Variants in DOCK10 observed in about 807,000 individuals in gnomAD.
DOCK10 encodes the protein dedicator of cytokinesis 10, also known as dedicator of cytokinesis protein 10.
A neutral mutation model predicts 280.1 loss-of-function variants in DOCK10; 145 were observed. The ratio of observed to expected loss-of-function variants is 0.52; its 90% CI spans 0.45 to 0.59. The LOEUF (loss-of-function observed/expected upper bound fraction) is 0.59. Among genes scored for constraint, DOCK10 ranks in the 20% least tolerant of loss-of-function variants. The pLI is 0.00. For missense variants in DOCK10, 2,368 were observed against 2,651.7 expected, an observed-to-expected ratio of 0.89 and a Z score of 2.35; for synonymous variants, 915 against 942.2, an observed-to-expected ratio of 0.97 and a Z score of 0.53.
At chr2:224,995,089 C>T (rs1706233667) in intron 1 of DOCK10, among the ~76,000 whole-genome samples, 1 of 152,180 alleles carries the variant, frequency 6.6e-6, no homozygotes, top group South Asian at 2.1e-4. Context: ...GTGGGTTTCT[C>T]CACAGGGTTG....
chr2:224,985,577 C>G (rs1705951177), intron 1 of DOCK10, among the ~76,000 whole-genome samples: 1 of 143,698 alleles, frequency 7.0e-6, no homozygotes, highest in South Asian at 2.2e-4. Flanking sequence ...GGGAGAAAGA[C>G]ATGTAGGAAG....
In DOCK10 at chr2:224,998,440, T is replaced by A. The variant is rs151206777; in HGVS notation, c.123+43812A>T. On this transcript the variant is annotated intron_variant, in intron 1 of 55. Coordinates refer to ENST00000258390, the MANE Select transcript of DOCK10 (RefSeq NM_014689.3). Reference sequence around the variant, plus strand: ...ATATTTGCTTACATCCCCCTTACATTCTCCTTGGTGTCAGATGCAAGGGAA... The same window carrying A: ...ATATTTGCTTACATCCCCCTTACATACTCCTTGGTGTCAGATGCAAGGGAA... Among the ~76,000 whole-genome samples, 570 of 152,268 alleles carry A rather than the reference T, an allele frequency of 3.7e-3. 4 individuals carry two copies. The highest frequency in any genetic ancestry group is 6.8e-3 in the Middle Eastern group (2 of 294).
chr2:224,938,217 G>T (rs1702804477), intron 1 of DOCK10, among the ~76,000 whole-genome samples: 1 of 152,166 alleles, frequency 6.6e-6, no homozygotes, highest in South Asian at 2.1e-4. Flanking sequence ...GGTAGATCCT[G>T]TGATGCCATT....
intron 11 of DOCK10, among the ~76,000 whole-genome samples, 175 bp downstream of exon 11, chr2:224,873,821 T>C (rs1228335603): frequency 6.6e-6 from 1 of 152,164 alleles, no homozygotes; most frequent in Admixed American, 6.5e-5. Context: ...TATAAAGTGT[T>C]CCACTTTAGA....
At chr2:224,792,836 T>A in intron 47 of DOCK10, 138 bp downstream of exon 47, 1 of 599,752 alleles carries the variant, frequency 1.7e-6, no homozygotes, top group Non-Finnish European at 2.8e-6. Flanking sequence ...GAGTTTAAGT[T>A]TTTTGCAGAG....
At chr2:224,810,934 G>A (rs1173443164) in intron 31 of DOCK10, among the ~76,000 whole-genome samples, 8 of 151,826 alleles carry the variant, frequency 5.3e-5, no homozygotes, top group Admixed American at 1.3e-4. Flanking sequence ...GAATAGTGCC[G>A]CAATAAACAT....
intron 30 of DOCK10, among the ~76,000 whole-genome samples, chr2:224,815,943 G>A (rs1471802092): frequency 6.6e-6 from 1 of 151,988 alleles, no homozygotes; most frequent in African/African-American, 2.4e-5. Context: ...TGAGGTGGGA[G>A]AATCCCTCAA....
chr2:224,959,356 GT>G (rs1388311973), intron 1 of DOCK10, among the ~76,000 whole-genome samples: 1 of 150,886 alleles, frequency 6.6e-6, no homozygotes, highest in Non-Finnish European at 1.5e-5. Context: ...ATGTTTGTGT[GT>G]TTTTAAATAA....
chr2:224,928,726 A>G (rs1319941281), intron 2 of DOCK10, among the ~76,000 whole-genome samples: 1 of 152,228 alleles, frequency 6.6e-6, no homozygotes, highest in East Asian at 1.9e-4. Context: ...AGGATTAGGT[A>G]GCATTGAAAA....
chr2:224,765,927 C>A, intron 55 of DOCK10, 90 bp from the exon 56 acceptor site: 1 of 899,010 alleles, frequency 1.1e-6, no homozygotes, highest in Non-Finnish European at 1.7e-6. Context: ...TAGAGGTTTT[C>A]ATTCCCCACA....
chr2:224,846,441 T>G (rs1696357748), intron 19 of DOCK10, among the ~76,000 whole-genome samples: 1 of 151,934 alleles, frequency 6.6e-6, no homozygotes, highest in Admixed American at 6.6e-5. Flanking sequence ...GTCTTGCATT[T>G]GTTGCCCAGA....
intron 1 of DOCK10, among the ~76,000 whole-genome samples, chr2:225,020,310 C>G (rs755406648): frequency 1.1e-4 from 17 of 152,082 alleles, no homozygotes; most frequent in Non-Finnish European, 2.2e-4. Context: ...CATCTGCTGT[C>G]AATATAGTCT....
intron 2 of DOCK10, among the ~76,000 whole-genome samples, chr2:224,929,020 C>T (rs562252538): frequency 1.3e-5 from 2 of 152,318 alleles, no homozygotes; most frequent in East Asian, 3.9e-4. Flanking sequence ...ACATGCTTTC[C>T]CCAGCATGGC....
At chr2:224,884,831 G>A (rs965565835) in intron 7 of DOCK10, among the ~76,000 whole-genome samples, 2 of 152,098 alleles carry the variant, frequency 1.3e-5, no homozygotes, top group South Asian at 2.1e-4. Flanking sequence ...TTTGAAGTGC[G>A]TATGTTAATA....
At chr2:224,959,760 T>C (rs776683390) in intron 1 of DOCK10, among the ~76,000 whole-genome samples, 4 of 152,260 alleles carry the variant, frequency 2.6e-5, no homozygotes, top group Non-Finnish European at 4.4e-5. Flanking sequence ...ACTTTCGCCT[T>C]GAATACAGCT....
chr2:224,976,682 T>TA (rs34819325), intron 1 of DOCK10, among the ~76,000 whole-genome samples: 60,716 of 130,110 alleles, frequency 0.47, 13,784 homozygotes, highest in Middle Eastern at 0.57. Flanking sequence ...CAAAGTTAAT[T>TA]AAAAAAAAAA....
At chr2:224,888,333 A>G (rs1296774529) in intron 4 of DOCK10, among the ~76,000 whole-genome samples, 2 of 151,772 alleles carry the variant, frequency 1.3e-5, no homozygotes. Context: ...GCGTGTGTAT[A>G]CATGTGTGAA....
At chr2:224,874,791 C>T (rs200495032) in intron 8 of DOCK10, 40 bp from the exon 9 acceptor site, 449 of 1,545,994 alleles carry the variant, frequency 2.9e-4, no homozygotes, top group Non-Finnish European at 3.8e-4. Context: ...AAATATTACT[C>T]ACGAGTCACA....
intron 1 of DOCK10, among the ~76,000 whole-genome samples, chr2:224,988,770 G>A (rs1432846163): frequency 6.6e-6 from 1 of 152,218 alleles, no homozygotes; most frequent in Non-Finnish European, 1.5e-5. Context: ...GGTAGGAATT[G>A]AAACCAGTCT....
Sources: allele counts gnomAD v4.1 joint callset (sites outside exome capture counted in the v4.1 genomes callset), GRCh38; gene constraint gnomAD v4.1.1; transcripts MANE v1.5; gene names NCBI Gene and HGNC (gene_info 2026-07-23, HGNC 2026-07-21).